Variants in ADARB2 observed in about 807,000 individuals in gnomAD.
The protein encoded by ADARB2 is adenosine deaminase RNA specific B2 (inactive).
ADARB2 carries 25 observed loss-of-function variants against 62.2 expected under a neutral mutation model. The ratio of observed to expected loss-of-function variants is 0.40; its 90% CI spans 0.29 to 0.56. ADARB2 has a LOEUF of 0.56. ADARB2 is among the 20% of genes least tolerant of loss of function. The probability of loss-of-function intolerance (pLI) is 0.43; values close to 1 mark genes in which losing one functional copy is unlikely to be tolerated. For synonymous variants in ADARB2, 572 were observed against 500.8 expected (o/e 1.14, Z -1.90); for missense variants, 1,071 against 1,077.4 (o/e 0.99, Z 0.08).
intron 4 of ADARB2, among the ~76,000 whole-genome samples, chr10:1,266,715 C>A (rs976077217): frequency 6.6e-6 from 1 of 152,112 alleles, no homozygotes; most frequent in East Asian, 1.9e-4. Flanking sequence ...CAGCAGGACA[C>A]GGGAGAAAGA....
intron 3 of ADARB2, among the ~76,000 whole-genome samples, chr10:1,353,878 C>T (rs1397121702): frequency 6.6e-6 from 1 of 152,146 alleles, no homozygotes; most frequent in East Asian, 1.9e-4. Context: ...TCCTTGGCTA[C>T]CTTCCCCTTG....
At chr10:1,698,297 A>G (rs1251488179) in intron 1 of ADARB2, among the ~76,000 whole-genome samples, 1 of 152,200 alleles carries the variant, frequency 6.6e-6, no homozygotes, top group Non-Finnish European at 1.5e-5. Context: ...GACACGGAAC[A>G]TTGCCACCCG....
At chr10:1,424,557 G>A (rs1832879542) in intron 1 of ADARB2, among the ~76,000 whole-genome samples, 1 of 152,034 alleles carries the variant, frequency 6.6e-6, no homozygotes, top group South Asian at 2.1e-4. Context: ...TATGTCCTAA[G>A]AAAGTTTAGG....
chr10:1,528,596 C>T (rs1832179644), intron 1 of ADARB2, among the ~76,000 whole-genome samples: 1 of 152,212 alleles, frequency 6.6e-6, no homozygotes. Context: ...CCGGTGTGAG[C>T]CCTCTCAAGT....
At chr10:1,510,113 T>TTTCTTTCTTTC (rs1831910541) in intron 1 of ADARB2, among the ~76,000 whole-genome samples, 5 of 67,430 alleles carry the variant, frequency 7.4e-5, no homozygotes, top group African/African-American at 3.3e-4. Context: ...TCTTTCTCTC[T>TTTCTTTCTTTC]TTCTTTCTTT....
rs1455988293 is a variant in ADARB2 at position 1,332,161 on chromosome 10, T to TG, written c.1077+30866dup. Among the ~76,000 whole-genome samples, 3 of 152,324 alleles carry TG rather than the reference T, an allele frequency of 2.0e-5. No individual in the cohort carries two copies. The East Asian group carries it at 5.8e-4, about 29-fold the overall frequency. On this transcript the variant is annotated intron_variant, in intron 3 of 9. Coordinates refer to ENST00000381312, the MANE Select transcript of ADARB2 (RefSeq NM_018702.4). Reference sequence around the variant, plus strand: ...GCTCACGCCTGTAATCCCAACACTTTGAGAAGCTGAAGCAGGCAGACTGCC... The same window carrying TG: ...GCTCACGCCTGTAATCCCAACACTTTGGAGAAGCTGAAGCAGGCAGACTGCC...
intron 1 of ADARB2, among the ~76,000 whole-genome samples, chr10:1,638,012 A>G (rs1423521779): frequency 6.6e-6 from 1 of 152,170 alleles, no homozygotes; most frequent in Non-Finnish European, 1.5e-5. Context: ...TTTGGGGGAA[A>G]ATGGGTCTTG....
chr10:1,638,747 C>T (rs760639273), intron 1 of ADARB2, among the ~76,000 whole-genome samples: 2 of 152,190 alleles, frequency 1.3e-5, no homozygotes, highest in African/African-American at 4.8e-5. Flanking sequence ...GTTCCCACTG[C>T]AGCCAGTCCT....
chr10:1,375,794 ACG>A (rs1273383662), intron 2 of ADARB2, among the ~76,000 whole-genome samples: 4 of 138,464 alleles, frequency 2.9e-5, no homozygotes, highest in Admixed American at 1.5e-4. Context: ...ACATGCACAC[ACG>A]CACACACACA....
At chr10:1,582,435 G>T (rs561545838) in intron 1 of ADARB2, among the ~76,000 whole-genome samples, 1 of 152,302 alleles carries the variant, frequency 6.6e-6, no homozygotes, top group Admixed American at 6.5e-5. Flanking sequence ...CCATCCTCGT[G>T]CTGCCCTGGT....
intron 1 of ADARB2, among the ~76,000 whole-genome samples, chr10:1,687,731 C>T (rs974226858): frequency 1.3e-5 from 2 of 152,032 alleles, no homozygotes; most frequent in African/African-American, 4.8e-5. Flanking sequence ...CTGGAGACAG[C>T]TCAGCCGTGA....
chr10:1,619,009 C>T (rs1833676635), intron 1 of ADARB2, among the ~76,000 whole-genome samples: 1 of 152,128 alleles, frequency 6.6e-6, no homozygotes, highest in African/African-American at 2.4e-5. Flanking sequence ...TAATGGATCA[C>T]CTGGCTTGGA....
At chr10:1,524,928 C>A (rs998455712) in intron 1 of ADARB2, among the ~76,000 whole-genome samples, 2 of 152,148 alleles carry the variant, frequency 1.3e-5, no homozygotes, top group South Asian at 4.1e-4. Flanking sequence ...GTCTGAGCCT[C>A]CAGATTTAAA....
chr10:1,569,473 G>A (rs374579400), intron 1 of ADARB2, among the ~76,000 whole-genome samples: 6 of 152,200 alleles, frequency 3.9e-5, no homozygotes, highest in East Asian at 1.9e-4. Context: ...CAGAGGGAGC[G>A]TGGCTGGTTT....
At chr10:1,594,005 T>G (rs1391939333) in intron 1 of ADARB2, among the ~76,000 whole-genome samples, 1 of 152,168 alleles carries the variant, frequency 6.6e-6, no homozygotes, top group Non-Finnish European at 1.5e-5. Flanking sequence ...AAAACAAGTC[T>G]GTGAGGCCGG....
intron 1 of ADARB2, among the ~76,000 whole-genome samples, chr10:1,717,411 G>A (rs969081361): frequency 1.3e-5 from 2 of 151,482 alleles, no homozygotes; most frequent in African/African-American, 4.9e-5. Flanking sequence ...CTCCTCAGAC[G>A]GGTCCTCACT....
At chr10:1,223,206 G>T (rs1830710670) in intron 6 of ADARB2, among the ~76,000 whole-genome samples, 2 of 152,120 alleles carry the variant, frequency 1.3e-5, no homozygotes, top group African/African-American at 4.8e-5. Context: ...CTCATGATTT[G>T]GCTCTCTGTT....
chr10:1,339,696 G>A (rs1328438356), intron 3 of ADARB2, among the ~76,000 whole-genome samples: 1 of 152,202 alleles, frequency 6.6e-6, no homozygotes, highest in Non-Finnish European at 1.5e-5. Context: ...TCTGCAGAGG[G>A]AGCGGGTGTG....
intron 1 of ADARB2, among the ~76,000 whole-genome samples, chr10:1,562,109 C>T (rs1447924352): frequency 6.6e-6 from 1 of 152,194 alleles, no homozygotes; most frequent in Non-Finnish European, 1.5e-5. Flanking sequence ...GCCACGTGTC[C>T]TCTCTTCTCA....
Sources: allele counts gnomAD v4.1 joint callset (sites outside exome capture counted in the v4.1 genomes callset), GRCh38; gene constraint gnomAD v4.1.1; transcripts MANE v1.5; gene names NCBI Gene and HGNC (gene_info 2026-07-23, HGNC 2026-07-21).